The following PAGE3 variants were observed in gnomAD, a reference collection of about 807,000 sequenced individuals.
PAGE3 encodes the protein PAGE family member 3.
PAGE3 carries 9 observed loss-of-function variants against 3.8 expected under a neutral mutation model. The observed-to-expected ratio is 2.36, with a 90% confidence interval of 1.42 to 4.12. PAGE3 has a LOEUF of 4.12. PAGE3 is among the 30% of genes most tolerant of loss of function. The pLI is 0.00. For synonymous variants in PAGE3, 24 were observed against 13.1 expected, an observed-to-expected ratio of 1.83 and a Z score of -1.79; for missense variants, 73 against 37.8, an observed-to-expected ratio of 1.93 and a Z score of -2.44.
At chrX:55,262,711 T>TATATATATATATATATATATATGTA (rs1569162351) in intron 3 of PAGE3, among the ~76,000 whole-genome samples, 2 of 10,610 alleles carry the variant, frequency 1.9e-4, no homozygotes, top group African/African-American at 2.2e-4. Flanking sequence ...ATGATATATA[T>TATATATATATATATATATATATGTA]ATATATATAT....
intron 4 of PAGE3, among the ~76,000 whole-genome samples, chrX:55,259,343 T>G (rs1478830009): frequency 3.6e-5 from 4 of 110,753 alleles, no homozygotes; most frequent in Non-Finnish European, 7.6e-5. Context: ...CTTTTTTTTT[T>G]GTTTCTAAAT....
chrX:55,258,429 T>G lies in PAGE3; in HGVS notation c.*77A>C. ...CACAAGACTTCTTTGCAGACAATTG[T>G]GAAACTTTATTGAGAGAATTTTACT... is the stretch of plus-strand genomic sequence containing the variant. On this transcript the variant is annotated 3_prime_UTR_variant, in exon 5 of 5. Transcript: ENST00000374951. The G allele has an allele frequency of 1.8e-6, 1 of 548,089 alleles. No homozygotes were observed. Among genetic ancestry groups the G allele is most frequent in the Non-Finnish European group, 3.3e-6 (1 of 299,796 alleles). The allele number at this position is 548,089 out of a possible 1,213,427, so 45.2% of individuals were successfully genotyped here.
chrX:55,261,559 A>G (rs1938290034), intron 3 of PAGE3, among the ~76,000 whole-genome samples: 1 of 111,963 alleles, frequency 8.9e-6, no homozygotes, highest in Admixed American at 9.5e-5. Context: ...GGAGTTCAGG[A>G]AGACAAGAGT....
At chrX:55,258,701 A>C (rs976592380) in intron 4 of PAGE3, among the ~76,000 whole-genome samples, 173 bp from the exon 5 acceptor site, 6 of 111,363 alleles carry the variant, frequency 5.4e-5, no homozygotes, top group Non-Finnish European at 7.6e-5. Flanking sequence ...GCTTTCAGGT[A>C]TATTAACAAT....
intron 4 of PAGE3, among the ~76,000 whole-genome samples, chrX:55,259,346 T>A (rs1938247313): frequency 9.0e-6 from 1 of 110,864 alleles, no homozygotes; most frequent in Non-Finnish European, 1.9e-5. Context: ...TTTTTTTTGT[T>A]TCTAAATGAT....
intron 1 of PAGE3, among the ~76,000 whole-genome samples, chrX:55,264,262 T>G (rs1461675643): frequency 9.1e-6 from 1 of 109,956 alleles, no homozygotes; most frequent in African/African-American, 3.3e-5. Flanking sequence ...CTCAGCCCAT[T>G]TACCCCCTAA....
intron 3 of PAGE3, 119 bp from the exon 4 acceptor site, chrX:55,260,778 C>T (rs1201757163): frequency 2.8e-6 from 1 of 359,483 alleles, no homozygotes; most frequent in African/African-American, 2.7e-5. Context: ...TGTGGTAATA[C>T]ACGCAATGCA....
chrX:55,260,669 A>G lies in PAGE3; in HGVS notation c.194-10T>C. On this transcript the variant is annotated splice_polypyrimidine_tract_variant and intron_variant, in intron 3 of 4. Coordinates refer to ENST00000374951, the MANE Select transcript of PAGE3 (RefSeq NM_001017931.3). ...GCTGCCAGGCCTAGCACTTAAAAAT[A>G]AAAAACATTACCAATTTAAGTTGTA... 1 of 530,492 alleles carries G rather than the reference A, an allele frequency of 1.9e-6. No homozygotes were observed. The highest frequency in any genetic ancestry group is 3.4e-5 in the East Asian group (1 of 29,448). The allele number at this position is 530,492 out of a possible 1,213,427, so 43.7% of individuals were successfully genotyped here.
chrX:55,259,832 C>A (rs1938254908), intron 4 of PAGE3, among the ~76,000 whole-genome samples: 1 of 110,418 alleles, frequency 9.1e-6, no homozygotes, highest in South Asian at 3.8e-4. Flanking sequence ...AAGCAATGAT[C>A]TTCCTATGAG....
At chrX:55,258,879 G>A (rs1330019180) in intron 4 of PAGE3, among the ~76,000 whole-genome samples, 1 of 110,913 alleles carries the variant, frequency 9.0e-6, no homozygotes, top group Non-Finnish European at 1.9e-5. Flanking sequence ...ATAAAACTTA[G>A]GAAACAAAAG....
chrX:55,263,704 T>C (rs778720614), intron 2 of PAGE3, 116 bp downstream of exon 2: 2 of 435,751 alleles, frequency 4.6e-6, no homozygotes, highest in Non-Finnish European at 8.0e-6. Flanking sequence ...CTTCACGAGA[T>C]TCAATTATTA....
chrX:55,263,218 A>T (rs771668294), intron 3 of PAGE3, 33 bp downstream of exon 3: 16 of 552,936 alleles, frequency 2.9e-5, no homozygotes, highest in Non-Finnish European at 5.0e-5. Context: ...CACCCCCTCC[A>T]TTCATAGGCA....
chrX:55,264,239 C>G (rs900352935), intron 1 of PAGE3, among the ~76,000 whole-genome samples: 6 of 110,024 alleles, frequency 5.5e-5, no homozygotes, highest in Non-Finnish European at 9.5e-5. Context: ...TGCTTTTGCC[C>G]CACTCTCATT....
intron 4 of PAGE3, 30 bp downstream of exon 4, chrX:55,260,504 C>A (rs775011850): frequency 1.8e-6 from 1 of 551,143 alleles, no homozygotes; most frequent in South Asian, 2.3e-5. Flanking sequence ...ACAGAAACCC[C>A]ATAATTTGCA....
chrX:55,262,552 G>A (rs1395229654), intron 3 of PAGE3, among the ~76,000 whole-genome samples: 1 of 109,734 alleles, frequency 9.1e-6, no homozygotes, highest in Non-Finnish European at 1.9e-5. Flanking sequence ...TAGATGGTAA[G>A]AAGAATACAT....
rs1009283699 is a variant in PAGE3 at position 55,258,643 on chromosome X, C to A, written c.320-115G>T. ...TATGAAATGAACTATAACAAGGTAA[C>A]CCTCTGGCTTATATCCAGTTAAACC... On this transcript the variant is annotated intron_variant, in intron 4 of 4. Coordinates refer to ENST00000374951, the MANE Select transcript of PAGE3 (RefSeq NM_001017931.3). The A allele has an allele frequency of 8.7e-6, 4 of 460,764 alleles. No individual in the cohort carries two copies. The Admixed American group carries it at 1.4e-4, about 16-fold the overall frequency. 38.0% of individuals were successfully genotyped at this position (460,764 alleles called of 1,213,427 possible). A position where few individuals can be genotyped will look rare whatever the true frequency, so the allele number is the denominator to read the frequency against.
intron 4 of PAGE3, among the ~76,000 whole-genome samples, chrX:55,259,334 T>C (rs1191669070): frequency 9.5e-6 from 1 of 104,879 alleles, no homozygotes; most frequent in Non-Finnish European, 2.0e-5. Flanking sequence ...AAACAATAGC[T>C]TTTTTTTTTG....
At chrX:55,259,626 G>T (rs1430297168) in intron 4 of PAGE3, among the ~76,000 whole-genome samples, 3 of 109,904 alleles carry the variant, frequency 2.7e-5, no homozygotes, top group African/African-American at 9.9e-5. Context: ...TAAACTAGGG[G>T]ATCCTCTATT....
rs372514683 is a variant in PAGE3 at position 55,260,624 on chromosome X, G to A, written c.229C>T (p.Arg77Trp). ...GLAAYLWELT[R>W]SKTGGERGDG... Reference sequence around the variant, plus strand: ...CCACGTTCACCCCCAGTCTTTGACCGAGTCAGTTCCCAGAGATAGGCTGCC... The same window carrying A: ...CCACGTTCACCCCCAGTCTTTGACCAAGTCAGTTCCCAGAGATAGGCTGCC... Residue 77 changes from arginine to tryptophan, a missense_variant, in exon 4 of 5, where the codon CGG becomes TGG. By Grantham distance (101) the Arg-to-Trp change is moderately radical. Coordinates refer to ENST00000374951, the MANE Select transcript of PAGE3 (RefSeq NM_001017931.3). 6 of 561,310 alleles carry A rather than the reference G, an allele frequency of 1.1e-5. No individual in the cohort carries two copies. Among genetic ancestry groups the A allele is most frequent in the South Asian group, 4.7e-5 (2 of 42,786 alleles). 46.3% of individuals were successfully genotyped at this position (561,310 alleles called of 1,213,427 possible).
Sources: allele counts gnomAD v4.1 joint callset (sites outside exome capture counted in the v4.1 genomes callset), GRCh38; gene constraint gnomAD v4.1.1; transcripts MANE v1.5; gene names NCBI Gene and HGNC (gene_info 2026-07-23, HGNC 2026-07-21).